TFB2M: variants seen among roughly 807,000 people sequenced by gnomAD.
TFB2M encodes transcription factor B2, mitochondrial, also known as dimethyladenosine transferase 2, mitochondrial.
TFB2M carries 44 observed loss-of-function variants against 41.3 expected under a neutral mutation model. The ratio of observed to expected loss-of-function variants is 1.07; its 90% confidence interval spans 0.84 to 1.37. TFB2M has a LOEUF of 1.37. TFB2M is among the 40% of genes most tolerant of loss of function. The pLI, the probability that TFB2M is intolerant of heterozygous loss-of-function variation, is 0.00. For missense variants in TFB2M, 496 were observed against 490.2 expected, an observed-to-expected ratio of 1.01 and a Z score of -0.11; for synonymous variants, 188 against 176.8, an observed-to-expected ratio of 1.06 and a Z score of -0.50.
At chr1:246,556,762 A>G in intron 3 of TFB2M, 41 bp from the exon 4 acceptor site, 1 of 1,506,354 alleles carries the variant, frequency 6.6e-7, no homozygotes, top group South Asian at 1.4e-5. Flanking sequence ...TAAAGTTCTT[A>G]GCATTTTGTC....
Position 246,541,105 on chromosome 1 carries a change from G to C in TFB2M, c.1117C>G (p.Leu373Val). 1 of 1,614,080 alleles carries C rather than the reference G, an allele frequency of 6.2e-7. No homozygotes were observed. Among genetic ancestry groups the C allele is most frequent in the African/African-American group, 1.3e-5 (1 of 75,048 alleles). The change falls in exon 8 of 8, where the codon CTT (leucine) becomes GTT (valine). Residue 373 changes from leucine to valine, a missense_variant. By Grantham distance (32) the Leu-to-Val change is conservative. Transcript: ENST00000366514. ...TTGGAACGCTCTATAGTTTCAAAAA[G>C]TGTTTTGAAGTCTTGAGGGTGCATG... is the stretch of plus-strand genomic sequence containing the variant. Reference protein sequence around the residue: ...VNMHPQDFKTLFETIERSKDC... With the variant: ...VNMHPQDFKTVFETIERSKDC...
chr1:246,541,543 A>G (rs1056462124), intron 7 of TFB2M, among the ~76,000 whole-genome samples: 9 of 152,354 alleles, frequency 5.9e-5, no homozygotes, highest in Non-Finnish European at 1.2e-4. Flanking sequence ...AACTTATTAT[A>G]TATAAGCAAT....
chr1:246,548,694 G>A, intron 5 of TFB2M, 87 bp from the exon 6 acceptor site: 1 of 1,202,120 alleles, frequency 8.3e-7, no homozygotes. Context: ...AAAACACCTT[G>A]CCTAAATAAG....
intron 2 of TFB2M, among the ~76,000 whole-genome samples, chr1:246,561,064 G>A (rs955443551): frequency 4.6e-5 from 7 of 152,212 alleles, no homozygotes; most frequent in Admixed American, 2.0e-4. Flanking sequence ...AGCATTATCC[G>A]CTAAGCGCAG....
chr1:246,541,709 T>C (rs1658862058), intron 7 of TFB2M, among the ~76,000 whole-genome samples: 2 of 152,208 alleles, frequency 1.3e-5, no homozygotes. Flanking sequence ...TTGAAAAAAT[T>C]ATTATGCCTA....
intron 4 of TFB2M, among the ~76,000 whole-genome samples, chr1:246,555,674 AG>A (rs1439693158): frequency 6.6e-6 from 1 of 152,228 alleles, no homozygotes; most frequent in Admixed American, 6.5e-5. Context: ...GTACACTCAA[AG>A]GACTTGAAGA....
intron 6 of TFB2M, among the ~76,000 whole-genome samples, chr1:246,546,589 G>A (rs1659024615): frequency 6.6e-6 from 1 of 151,332 alleles, no homozygotes; most frequent in African/African-American, 2.4e-5. Context: ...ACTCCAGCCT[G>A]GGTGACAGAA....
At chr1:246,543,492 G>A (rs908290888) in intron 7 of TFB2M, among the ~76,000 whole-genome samples, 4 of 152,150 alleles carry the variant, frequency 2.6e-5, no homozygotes, top group African/African-American at 9.7e-5. Flanking sequence ...ATGGCCAGGC[G>A]CAGTGGCTCA....
intron 4 of TFB2M, among the ~76,000 whole-genome samples, chr1:246,555,759 A>G (rs1659304352): frequency 6.6e-6 from 1 of 151,888 alleles, no homozygotes; most frequent in Non-Finnish European, 1.5e-5. Context: ...AATGTCATTG[A>G]TACATCAACA....
At chr1:246,559,661 C>T (rs1040416976) in intron 2 of TFB2M, among the ~76,000 whole-genome samples, 9 of 152,108 alleles carry the variant, frequency 5.9e-5, no homozygotes, top group Non-Finnish European at 1.3e-4. Context: ...CACATTTGGT[C>T]ACATTAATTT....
At chr1:246,554,422 A>G (rs996278047) in intron 4 of TFB2M, among the ~76,000 whole-genome samples, 1 of 152,044 alleles carries the variant, frequency 6.6e-6, no homozygotes, top group South Asian at 2.1e-4. Context: ...CGTTCACATC[A>G]CCGCCTGAGC....
At chr1:246,542,940 C>T in intron 7 of TFB2M, among the ~76,000 whole-genome samples, 1 of 139,092 alleles carries the variant, frequency 7.2e-6, no homozygotes, top group Admixed American at 7.5e-5. Flanking sequence ...CTTGCTCTGT[C>T]ACCCAGGCTC....
intron 2 of TFB2M, among the ~76,000 whole-genome samples, chr1:246,561,680 G>GC (rs1381711509): frequency 6.6e-6 from 1 of 152,122 alleles, no homozygotes; most frequent in Admixed American, 6.5e-5. Context: ...TGTTGGCCAG[G>GC]CTGGTCTTGA....
At chr1:246,555,671 C>T (rs1659302615) in intron 4 of TFB2M, among the ~76,000 whole-genome samples, 1 of 152,184 alleles carries the variant, frequency 6.6e-6, no homozygotes, top group South Asian at 2.1e-4. Flanking sequence ...GCTGTACACT[C>T]AAAGGACTTG....
intron 6 of TFB2M, among the ~76,000 whole-genome samples, chr1:246,547,131 A>C (rs1409925112): frequency 6.6e-6 from 1 of 151,928 alleles, no homozygotes; most frequent in Non-Finnish European, 1.5e-5. Context: ...CTACAGGCGC[A>C]CGCCACCACA....
intron 1 of TFB2M, among the ~76,000 whole-genome samples, chr1:246,564,891 G>C (rs1018445672): frequency 3.3e-5 from 5 of 152,168 alleles, no homozygotes; most frequent in African/African-American, 1.2e-4. Flanking sequence ...TGTTGGCCAG[G>C]CTGGTCTGGA....
At chr1:246,544,953 C>CCGT (rs1424565071) in intron 6 of TFB2M, among the ~76,000 whole-genome samples, 1 of 152,020 alleles carries the variant, frequency 6.6e-6, no homozygotes, top group Non-Finnish European at 1.5e-5. Context: ...CTACAGGCGC[C>CCGT]CACCACCACG....
intron 4 of TFB2M, among the ~76,000 whole-genome samples, chr1:246,555,140 A>G (rs1446087146): frequency 1.3e-5 from 2 of 152,188 alleles, no homozygotes; most frequent in African/African-American, 2.4e-5. Flanking sequence ...GCACAATGAA[A>G]TACCACTTCA....
At chr1:246,563,219 T>TA (rs1003220404) in intron 2 of TFB2M, among the ~76,000 whole-genome samples, 8 of 136,960 alleles carry the variant, frequency 5.8e-5, no homozygotes, top group African/African-American at 2.2e-4. Context: ...TTTTTTTTTT[T>TA]ACTGTACTAA....
Sources: allele counts gnomAD v4.1 joint callset (sites outside exome capture counted in the v4.1 genomes callset), GRCh38; gene constraint gnomAD v4.1.1; transcripts MANE v1.5; gene names NCBI Gene and HGNC (gene_info 2026-07-23, HGNC 2026-07-21).